STK32B: variants seen among roughly 807,000 people sequenced by gnomAD.
STK32B encodes the protein serine/threonine kinase 32B.
A neutral mutation model predicts 52.6 loss-of-function variants in STK32B; 43 were observed. The observed-to-expected ratio is 0.82, with a 90% CI of 0.64 to 1.05. STK32B has a LOEUF of 1.05. Among genes scored for constraint, STK32B ranks in the 50% least tolerant of loss-of-function variants. The pLI, the probability that STK32B is intolerant of heterozygous loss-of-function variation, is 0.00. For missense variants in STK32B, 621 were observed against 534.6 expected, an observed-to-expected ratio of 1.16 and a Z score of -1.59; for synonymous variants, 238 against 204.3, an observed-to-expected ratio of 1.17 and a Z score of -1.41.
intron 3 of STK32B, among the ~76,000 whole-genome samples, chr4:5,222,413 G>T (rs1723596272): frequency 6.6e-6 from 1 of 152,186 alleles, no homozygotes; most frequent in South Asian, 2.1e-4. Flanking sequence ...GAGAAAAACT[G>T]TAGCAACAGC....
chr4:5,289,032 C>G (rs1430014363), intron 3 of STK32B, among the ~76,000 whole-genome samples: 1 of 152,144 alleles, frequency 6.6e-6, no homozygotes, highest in Admixed American at 6.5e-5. Context: ...GGGATACATT[C>G]TGAGAAAGGT....
In STK32B at chr4:5,312,621, A is replaced by C. The variant is rs1730378661; in HGVS notation, c.261-18599A>C. On this transcript the variant is annotated intron_variant, in intron 3 of 11. Coordinates refer to ENST00000282908, the MANE Select transcript of STK32B (RefSeq NM_018401.3). Reference sequence around the variant, plus strand: ...TCCCTACAAAGGACATGAACTCATCATTTTTTATGGCTGCATAGTATTCCA... The same window carrying C: ...TCCCTACAAAGGACATGAACTCATCCTTTTTTATGGCTGCATAGTATTCCA... Among the ~76,000 whole-genome samples the C allele has an allele frequency of 2.6e-5, 4 of 152,018 alleles. No individual in the cohort carries two copies. In the South Asian group the frequency reaches 8.3e-4, roughly 32 times the overall value.
chr4:5,497,035 G>GTCTT (rs1432275280), intron 11 of STK32B, among the ~76,000 whole-genome samples: 2 of 152,192 alleles, frequency 1.3e-5, no homozygotes, highest in African/African-American at 4.8e-5. Context: ...TAGTGAGGCA[G>GTCTT]TCTTTGAGTT....
At chr4:5,409,446 G>T (rs1378804367) in intron 5 of STK32B, among the ~76,000 whole-genome samples, 1 of 152,162 alleles carries the variant, frequency 6.6e-6, no homozygotes, top group Non-Finnish European at 1.5e-5. Context: ...AGATAGAAAG[G>T]AAGTGTATTA....
At chr4:5,178,180 A>C (rs1176258908) in intron 3 of STK32B, among the ~76,000 whole-genome samples, 1 of 152,216 alleles carries the variant, frequency 6.6e-6, no homozygotes, top group African/African-American at 2.4e-5. Context: ...ATCCTCTGAA[A>C]TCTAGGCAGA....
chr4:5,145,163 A>G (rs1716812931), intron 2 of STK32B, among the ~76,000 whole-genome samples: 1 of 152,198 alleles, frequency 6.6e-6, no homozygotes, highest in Admixed American at 6.5e-5. Flanking sequence ...AAGGTGAAAG[A>G]ATTTTACATT....
intron 4 of STK32B, among the ~76,000 whole-genome samples, chr4:5,339,942 G>A (rs1293050886): frequency 6.6e-6 from 1 of 152,192 alleles, no homozygotes; most frequent in Non-Finnish European, 1.5e-5. Context: ...TACTCTGGGT[G>A]ACGAAACTCC....
At chr4:5,340,194 C>T (rs1732982464) in intron 4 of STK32B, among the ~76,000 whole-genome samples, 1 of 152,190 alleles carries the variant, frequency 6.6e-6, no homozygotes, top group Admixed American at 6.5e-5. Context: ...ACTCAACTTT[C>T]TGGGTGGAAC....
chr4:5,337,960 A>T (rs1437655184), intron 4 of STK32B, among the ~76,000 whole-genome samples: 2 of 152,188 alleles, frequency 1.3e-5, no homozygotes, highest in Non-Finnish European at 2.9e-5. Flanking sequence ...CTTCCCTAGT[A>T]GGAAGTCCAG....
Position 5,241,125 on chromosome 4 carries a change from T to G in STK32B, c.260+72675T>G, listed in dbSNP as rs143508614. Reference sequence around the variant, plus strand: ...TAATGTGGTATATTTCACTGGTGGATTTTTTAATATTAAACCAGCTCTGCA... The same window carrying G: ...TAATGTGGTATATTTCACTGGTGGAGTTTTTAATATTAAACCAGCTCTGCA... On this transcript the variant is annotated intron_variant, in intron 3 of 11. Transcript: ENST00000282908. 5.7e-3 allele frequency among the ~76,000 whole-genome samples: 875 copies of G among 152,290 alleles called. 9 individuals carry two copies. The highest frequency in any genetic ancestry group is 0.02 in the African/African-American group (823 of 41,572).
At chr4:5,304,026 C>A (rs1259630424) in intron 3 of STK32B, among the ~76,000 whole-genome samples, 1 of 152,186 alleles carries the variant, frequency 6.6e-6, no homozygotes, top group South Asian at 2.1e-4. Flanking sequence ...TATTCTGTTC[C>A]ATTAGTCTAT....
intron 3 of STK32B, among the ~76,000 whole-genome samples, chr4:5,317,338 AATAC>A (rs1386826648): frequency 7.5e-5 from 2 of 26,638 alleles, no homozygotes; most frequent in Non-Finnish European, 1.1e-4. Flanking sequence ...TTACATATAT[AATAC>A]ATATATATAA....
In STK32B at chr4:5,350,844, A is replaced by G. The variant is rs180802022; in HGVS notation, c.434+19451A>G. Reference sequence around the variant, plus strand: ...AAAAATAAGCAGGAGTAGCTCTACTATATCAGATAAAATAGACTTTAAGTC... The same window carrying G: ...AAAAATAAGCAGGAGTAGCTCTACTGTATCAGATAAAATAGACTTTAAGTC... On this transcript the variant is annotated intron_variant, in intron 4 of 11. Transcript: ENST00000282908. 6.0e-3 allele frequency among the ~76,000 whole-genome samples: 919 copies of G among 152,224 alleles called. 44 individuals carry two copies. The highest frequency in any genetic ancestry group is 0.057 in the Admixed American group (864 of 15,284).
At chr4:5,206,663 G>A (rs1722594561) in intron 3 of STK32B, among the ~76,000 whole-genome samples, 1 of 152,128 alleles carries the variant, frequency 6.6e-6, no homozygotes, top group Admixed American at 6.6e-5. Flanking sequence ...TAGCTGCGGA[G>A]GGGGATATGA....
In STK32B at chr4:5,399,954, G is replaced by T. The variant is rs1205622727; in HGVS notation, c.472+1710G>T. Among the ~76,000 whole-genome samples the T allele has an allele frequency of 6.6e-6, 1 of 152,162 alleles. No homozygotes were observed. The highest frequency in any genetic ancestry group is 1.5e-5 in the Non-Finnish European group (1 of 68,018). On this transcript the variant is annotated intron_variant, in intron 5 of 11. Transcript: ENST00000282908. This position sits in a 1 kb window ranked among gnomAD's most constrained non-coding sequence, Gnocchi z 5.4. ...TTCTGCTTAGCTGTCTGGAAAGCAG[G>T]GGTCTGGAAGGCTGGGTTCCAGGCA...
chr4:5,136,544 A>G lies in STK32B; in HGVS notation c.53-3361A>G, dbSNP rs79434580. ...CAAACTGGTTTTCCCCAGACTGGGT[A>G]GTTTTCAAGGATGCAGAACTTCCCG... is the stretch of plus-strand genomic sequence containing the variant. On this transcript the variant is annotated intron_variant, in intron 1 of 11. Transcript: ENST00000282908. 9.7e-3 allele frequency among the ~76,000 whole-genome samples: 1,477 copies of G among 152,284 alleles called. 28 individuals are homozygous for G. Among genetic ancestry groups the G allele is most frequent in the African/African-American group, 0.032 (1,346 of 41,548 alleles).
chr4:5,187,262 C>G (rs907256960), intron 3 of STK32B, among the ~76,000 whole-genome samples: 6 of 152,308 alleles, frequency 3.9e-5, no homozygotes, highest in African/African-American at 1.2e-4. Flanking sequence ...TTCCTGACTG[C>G]TCTTCATGCT....
the STK32B span, among the ~76,000 whole-genome samples, chr4:5,024,065 C>T: frequency 6.6e-6 from 1 of 152,166 alleles, no homozygotes; most frequent in Non-Finnish European, 1.5e-5. Flanking sequence ...TGGTTTGATC[C>T]AGGAACTCAA....
At chr4:5,496,385 G>C (rs868211067) in intron 11 of STK32B, among the ~76,000 whole-genome samples, 1 of 152,216 alleles carries the variant, frequency 6.6e-6, no homozygotes, top group South Asian at 2.1e-4. Flanking sequence ...TCCGAGCCAG[G>C]TGCGGGATAT....
Sources: allele counts gnomAD v4.1 joint callset (sites outside exome capture counted in the v4.1 genomes callset), GRCh38; gene constraint gnomAD v4.1.1; non-coding constraint Gnocchi (gnomAD v3.1); transcripts MANE v1.5; gene names NCBI Gene and HGNC (gene_info 2026-07-23, HGNC 2026-07-21).